The following SPIRE2 variants were observed in gnomAD, a reference collection of about 807,000 sequenced individuals.
SPIRE2 encodes spire type actin nucleation factor 2, also known as protein spire homolog 2.
SPIRE2 carries 76 observed loss-of-function variants against 80.7 expected under a neutral mutation model. That is an observed-to-expected ratio of 0.94 (90% CI 0.78 to 1.14). SPIRE2 has a LOEUF of 1.14. Ranked by LOEUF, SPIRE2 falls within the 50% of genes most tolerant of loss-of-function variation. SPIRE2 has a pLI of 0.00. For missense variants in SPIRE2, 1,196 were observed against 1,015.3 expected (o/e 1.18, Z -2.42); for synonymous variants, 535 against 432.6 (o/e 1.24, Z -2.94).
chr16:89,844,840 C>G (rs532677213), intron 1 of SPIRE2, among the ~76,000 whole-genome samples: 1 of 152,220 alleles, frequency 6.6e-6, no homozygotes, highest in Non-Finnish European at 1.5e-5. Context: ...ACCTCGGCAT[C>G]TCAAAGTGCT....
chr16:89,847,981 C>T (rs1309265170), intron 2 of SPIRE2, among the ~76,000 whole-genome samples: 1 of 152,164 alleles, frequency 6.6e-6, no homozygotes, highest in Admixed American at 6.5e-5. Context: ...CTGCTTCCTC[C>T]CTCTGTCTGT....
intron 1 of SPIRE2, among the ~76,000 whole-genome samples, chr16:89,843,849 A>C (rs986637869): frequency 7.2e-6 from 1 of 138,818 alleles, no homozygotes; most frequent in African/African-American, 2.7e-5. Flanking sequence ...ACATATATGC[A>C]CTACCATGCC....
At chr16:89,844,904 T>C (rs2041542898) in intron 1 of SPIRE2, among the ~76,000 whole-genome samples, 1 of 152,184 alleles carries the variant, frequency 6.6e-6, no homozygotes, top group Admixed American at 6.5e-5. Context: ...CTGCCCCTCC[T>C]TCACTCTTAC....
At chr16:89,831,881 G>A (rs189152470) in intron 1 of SPIRE2, among the ~76,000 whole-genome samples, 15 of 143,056 alleles carry the variant, frequency 1.0e-4, no homozygotes, top group African/African-American at 3.2e-4. Flanking sequence ...GCAGCCCCGC[G>A]CACTCCCAGA....
chr16:89,828,664 G>C lies in SPIRE2; in HGVS notation c.114G>C (p.Glu38Asp). 1 of 1,351,222 alleles carries C rather than the reference G, an allele frequency of 7.4e-7. No homozygotes were observed. The highest frequency in any genetic ancestry group is 9.6e-7 in the Non-Finnish European group (1 of 1,042,582). The allele number at this position is 1,351,222 out of a possible 1,614,324, so 83.7% of individuals were successfully genotyped here. Reference sequence around the variant, plus strand: ...CCTACGAGCAGCCGCTCAACGAGGAGCAGGCGTGGGCCGTGTGCTTCCAGG... The same window carrying C: ...CCTACGAGCAGCCGCTCAACGAGGACCAGGCGTGGGCCGTGTGCTTCCAGG... ...LKAYEQPLNEEQAWAVCFQGC... is the reference protein window; with the variant it reads ...LKAYEQPLNEDQAWAVCFQGC... The change falls in exon 1 of 15, where the codon GAG becomes GAC. Residue 38 changes from glutamate to aspartate, a missense_variant. Coordinates refer to ENST00000378247, the MANE Select transcript of SPIRE2 (RefSeq NM_032451.2). The surrounding 1 kb of genome is among the most constrained non-coding windows in gnomAD (Gnocchi z 5.9).
At chr16:89,856,023 C>T (rs1206112637) in intron 6 of SPIRE2, 90 bp from the exon 7 acceptor site, 8 of 1,553,908 alleles carry the variant, frequency 5.1e-6, no homozygotes, top group Non-Finnish European at 7.0e-6. Flanking sequence ...TGGTCACTTC[C>T]CCACCACAGG....
At chr16:89,849,052 G>T (rs1224735213) in intron 2 of SPIRE2, among the ~76,000 whole-genome samples, 1 of 152,256 alleles carries the variant, frequency 6.6e-6, no homozygotes, top group East Asian at 1.9e-4. Context: ...CTTGGGCCTT[G>T]TCCTGGCCTG....
At position 89,845,328 on chromosome 16, in the gene SPIRE2, C is replaced by A. The variant is rs2041548015; in HGVS notation, c.251C>A (p.Ala84Glu). ...ACTCCCTCTTCTCTTACAGAACCTG[C>A]AACCATGGTCGTGCCACTAGCCAGC... ...GAREPEAAEP[A>E]TMVVPLASSE... Residue 84 changes from alanine (A) to glutamate (E), a missense_variant, in exon 2 of 15, where the codon GCA becomes GAA. Transcript: ENST00000378247. 3 of 1,614,172 alleles carry A rather than the reference C, an allele frequency of 1.9e-6. No individual in the cohort carries two copies. The highest frequency in any genetic ancestry group is 1.7e-6 in the Non-Finnish European group (2 of 1,180,008).
At chr16:89,853,138 T>C (rs1027681765) in intron 3 of SPIRE2, among the ~76,000 whole-genome samples, 32 of 152,196 alleles carry the variant, frequency 2.1e-4, no homozygotes, top group Non-Finnish European at 1.3e-4. Flanking sequence ...CAGGCTGTTT[T>C]CTGCTGCTCA....
rs756907649 is a variant in SPIRE2, at chr16:89,855,728, C to T, written c.978+42C>T. On this transcript the variant is annotated intron_variant, in intron 6 of 14. Coordinates refer to ENST00000378247, the MANE Select transcript of SPIRE2 (RefSeq NM_032451.2). Reference sequence around the variant, plus strand: ...CTCCTCCTCAGGGGCCGCCCGGGGCCTGGTGCTGTCCTGTAGCCAGCCTGG... The same window carrying T: ...CTCCTCCTCAGGGGCCGCCCGGGGCTTGGTGCTGTCCTGTAGCCAGCCTGG... 6.9e-6 allele frequency: 11 copies of T among 1,592,106 alleles called. No homozygotes were observed. In the South Asian group the frequency reaches 1.1e-4, roughly 16 times the overall value.
Position 89,850,310 on chromosome 16 carries a change from C to T in SPIRE2, c.295C>T (p.Gln99Ter), listed in dbSNP as rs2041610164. The T allele has an allele frequency of 1.9e-6, 3 of 1,603,066 alleles. No homozygotes were observed. Among genetic ancestry groups the T allele is most frequent in the Non-Finnish European group, 2.5e-6 (3 of 1,177,624 alleles). Reference protein sequence around the residue: ...PLASSEAQTVQSLGFAIYRAL... With the variant: ...PLASSEAQTV ...CCGCGCCCCTGTCCCGCAGACCGTG[C>T]AGTCCCTCGGCTTCGCCATCTACCG... is the stretch of plus-strand genomic sequence containing the variant. The change falls in exon 3 of 15, where the codon CAG (glutamine) becomes TAG (stop). Residue 99 changes from glutamine (Q) to a stop codon, truncating the protein, a stop_gained. Transcript: ENST00000378247. LOFTEE classifies it high-confidence loss of function.
chr16:89,854,257 C>T, intron 3 of SPIRE2, 29 bp from the exon 4 acceptor site: 2 of 1,605,694 alleles, frequency 1.2e-6, no homozygotes. Context: ...TCGTACCTCC[C>T]CTGGACTGAC....
At chr16:89,841,633 T>A (rs1286524437) in intron 1 of SPIRE2, among the ~76,000 whole-genome samples, 2 of 152,142 alleles carry the variant, frequency 1.3e-5, no homozygotes, top group Non-Finnish European at 2.9e-5. Flanking sequence ...GATTTCCTCA[T>A]CTGTAACGAG....
At chr16:89,829,927 G>C (rs975970329) in intron 1 of SPIRE2, among the ~76,000 whole-genome samples, 1 of 151,302 alleles carries the variant, frequency 6.6e-6, no homozygotes, top group Non-Finnish European at 1.5e-5. Flanking sequence ...CAGGTGCATG[G>C]GGCCCAGGAG....
At chr16:89,870,009 T>C in intron 14 of SPIRE2, 41 bp from the exon 15 acceptor site, 1 of 1,565,352 alleles carries the variant, frequency 6.4e-7, no homozygotes, top group East Asian at 2.3e-5. Context: ...TGTGGCACCC[T>C]GGCTGGCTCC....
At position 89,828,840 on chromosome 16, in the gene SPIRE2, G is replaced by A; in HGVS notation, c.244+46G>A. On this transcript the variant is annotated intron_variant, in intron 1 of 14. Transcript: ENST00000378247. The surrounding 1 kb of genome is among the most constrained non-coding windows in gnomAD (Gnocchi z 5.9). ...GCCGGCGGGGACCGCGGTCTGGGGC[G>A]TCCGTCCCGCCCCCTGGGTGGGGGT... is the stretch of plus-strand genomic sequence containing the variant. 1 of 1,167,474 alleles carries A rather than the reference G, an allele frequency of 8.6e-7. No homozygotes were observed. 72.3% of individuals were successfully genotyped at this position (1,167,474 alleles called of 1,614,324 possible).
chr16:89,870,131 C>T lies in SPIRE2; in HGVS notation c.2004C>T (p.Val668=). Residue 668 remains valine (V), a synonymous_variant, in exon 15 of 15, where the codon GTC becomes GTT. Coordinates refer to ENST00000378247, the MANE Select transcript of SPIRE2 (RefSeq NM_032451.2). ...IYSHGCVLKD[V]CSECTSFVAD... ...CCCACGGCTGTGTCCTGAAGGATGT[C>T]TGCAGTGAGTGCACCAGCTTTGTGG... 1.2e-6 allele frequency: 2 copies of T among 1,613,238 alleles called. No homozygotes were observed. The highest frequency in any genetic ancestry group is 8.5e-7 in the Non-Finnish European group (1 of 1,179,694).
intron 14 of SPIRE2, 61 bp from the exon 15 acceptor site, chr16:89,869,989 G>T: frequency 1.4e-6 from 2 of 1,455,036 alleles, no homozygotes; most frequent in Non-Finnish European, 1.9e-6. Context: ...TGCACAAGCA[G>T]GGAGGGGGGT....
chr16:89,846,756 C>T (rs62056070), intron 2 of SPIRE2: 10,453 of 151,176 alleles, frequency 0.069, 521 homozygotes, highest in East Asian at 0.25. Flanking sequence ...CATGATTCAC[C>T]CACCTCAGCC....
Sources: gnomAD v4.1 joint callset for allele counts (sites outside exome capture counted in the v4.1 genomes callset) on GRCh38, gnomAD v4.1.1 for gene constraint, Gnocchi (gnomAD v3.1) non-coding constraint, MANE v1.5 for transcripts, NCBI Gene and HGNC (gene_info 2026-07-23, HGNC 2026-07-21) for gene names.